GRIA4: variants seen among roughly 807,000 people sequenced by gnomAD.
The protein encoded by GRIA4 is glutamate ionotropic receptor AMPA type subunit 4.
In GRIA4, 34 loss-of-function variants were observed where a neutral mutation model predicts 104.0. The observed-to-expected ratio is 0.33, with a 90% CI of 0.25 to 0.44. The LOEUF is 0.44. GRIA4 is among the 20% of genes least tolerant of loss of function. The pLI is 1.00. For missense variants in GRIA4, 750 were observed against 1,096.5 expected, an observed-to-expected ratio of 0.68 and a Z score of 4.46; for synonymous variants, 386 against 381.9, an observed-to-expected ratio of 1.01 and a Z score of -0.13.
intron 15 of GRIA4, among the ~76,000 whole-genome samples, chr11:105,974,025 G>T (rs1411667344): frequency 6.6e-6 from 1 of 151,988 alleles, no homozygotes; most frequent in Non-Finnish European, 1.5e-5. Context: ...CTTATATAAG[G>T]CTAAGTATAA....
At chr11:105,840,026 C>T (rs917537054) in intron 4 of GRIA4, among the ~76,000 whole-genome samples, 17 of 152,032 alleles carry the variant, frequency 1.1e-4, no homozygotes, top group Non-Finnish European at 2.2e-4. Flanking sequence ...CAACTAGATC[C>T]TTCTAGATTG....
chr11:105,770,357 T>C (rs1941153801), intron 4 of GRIA4, among the ~76,000 whole-genome samples: 1 of 152,116 alleles, frequency 6.6e-6, no homozygotes. Flanking sequence ...TCAATATCTT[T>C]TTCCATTTAT....
intron 4 of GRIA4, among the ~76,000 whole-genome samples, chr11:105,847,995 A>G (rs1254994060): frequency 2.0e-5 from 3 of 152,308 alleles, no homozygotes; most frequent in East Asian, 3.9e-4. Context: ...GAATTAACCA[A>G]TTTAATTTTG....
intron 4 of GRIA4, among the ~76,000 whole-genome samples, chr11:105,773,918 A>G (rs1242641175): frequency 6.6e-6 from 1 of 151,840 alleles, no homozygotes; most frequent in African/African-American, 2.4e-5. Context: ...AAGTACTAAT[A>G]AGTAATAAAA....
intron 9 of GRIA4, among the ~76,000 whole-genome samples, chr11:105,906,876 G>A (rs1331872701): frequency 1.3e-5 from 2 of 152,188 alleles, no homozygotes; most frequent in African/African-American, 4.8e-5. Flanking sequence ...GGAGCAGATA[G>A]GATATTCCAC....
At chr11:105,774,629 CA>C (rs2135752134) in intron 4 of GRIA4, among the ~76,000 whole-genome samples, 1 of 151,986 alleles carries the variant, frequency 6.6e-6, no homozygotes, top group South Asian at 2.1e-4. Flanking sequence ...CCAGATGTTA[CA>C]ATTTATAAAA....
intron 5 of GRIA4, 46 bp downstream of exon 5, chr11:105,862,254 A>T (rs768958233): frequency 1.8e-6 from 2 of 1,106,712 alleles, no homozygotes; most frequent in East Asian, 4.8e-5. Context: ...TATACAGAAA[A>T]ATTTAACCTT....
chr11:105,733,241 T>C (rs118190756), intron 3 of GRIA4, among the ~76,000 whole-genome samples: 47 of 152,206 alleles, frequency 3.1e-4, no homozygotes, highest in African/African-American at 1.1e-3. Context: ...TACTGGATGA[T>C]GCCATACTTT....
intron 5 of GRIA4, among the ~76,000 whole-genome samples, chr11:105,871,344 C>G (rs990660844): frequency 6.6e-6 from 1 of 151,856 alleles, no homozygotes; most frequent in Non-Finnish European, 1.5e-5. Context: ...TAAGTTTTGA[C>G]TGGCCTGTGG....
Position 105,979,595 on chromosome 11 carries a change from A to G in GRIA4, c.2565A>G (p.Ile855Met), listed in dbSNP as rs758853708. Residue 855 changes from isoleucine (I) to methionine (M), a missense_variant, in exon 17 of 17, where the codon ATA (isoleucine) becomes ATG (methionine). Physicochemically the swap from Ile to Met is conservative, Grantham distance 10. Around this residue, in one of 3 missense-constraint regions of GRIA4, gnomAD observed 68 missense variants for 69.3 expected, o/e 0.98. Transcript: ENST00000282499. ...CCCAGCTGACCTTTTCTGAAGCCAT[A>G]AGAAACAAAGCCAGATTATCCATCA... ...KRMKLTFSEA[I>M]RNKARLSITG... 1 of 1,614,176 alleles carries G rather than the reference A, an allele frequency of 6.2e-7. No individual in the cohort carries two copies. Among genetic ancestry groups the G allele is most frequent in the Non-Finnish European group, 8.5e-7 (1 of 1,179,994 alleles).
intron 4 of GRIA4, among the ~76,000 whole-genome samples, chr11:105,814,582 T>G (rs1441357163): frequency 6.6e-6 from 1 of 152,108 alleles, no homozygotes; most frequent in Admixed American, 6.5e-5. Flanking sequence ...AGGATCTAAA[T>G]GAGAAAACGT....
intron 3 of GRIA4, among the ~76,000 whole-genome samples, chr11:105,682,239 G>C (rs557748230): frequency 1.3e-4 from 20 of 152,024 alleles, no homozygotes; most frequent in Admixed American, 1.2e-3. Flanking sequence ...TTTGAGATGG[G>C]GGGTCTCACT....
chr11:105,947,879 A>G (rs1417052009), intron 14 of GRIA4, among the ~76,000 whole-genome samples: 3 of 152,226 alleles, frequency 2.0e-5, no homozygotes, highest in Admixed American at 1.3e-4. Context: ...AAATATGACT[A>G]TAAGCCCTGT....
In GRIA4 at chr11:105,841,297, C is replaced by T. The variant is rs1489081192; in HGVS notation, c.488-20727C>T. Among the ~76,000 whole-genome samples, 3 of 151,940 alleles carry T rather than the reference C, an allele frequency of 2.0e-5. No homozygotes were observed. In the East Asian group the frequency reaches 5.8e-4, roughly 29 times the overall value. On this transcript the variant is annotated intron_variant, in intron 4 of 16. Transcript: ENST00000282499. ...CACTTTTGTTTCTACATCTAATATC[C>T]TCATCACTTTTTCTTAAATGTTTAG...
rs1953187788 is a variant in GRIA4 at position 105,694,164 on chromosome 11, T to A, written c.248-58817T>A. 2.0e-5 allele frequency among the ~76,000 whole-genome samples: 3 copies of A among 152,114 alleles called. 1 individual carries two copies. The highest frequency in any genetic ancestry group is 1.3e-4 in the Admixed American group (2 of 15,262). On this transcript the variant is annotated intron_variant, in intron 3 of 16. Transcript: ENST00000282499. ...GAAGAAACAAGCTAATTTTTTTTTT[T>A]TTTTAGATGGAGTCTCACTCTGTCA...
intron 3 of GRIA4, among the ~76,000 whole-genome samples, chr11:105,675,607 A>T (rs1952511634): frequency 6.6e-6 from 1 of 151,744 alleles, no homozygotes; most frequent in South Asian, 2.1e-4. Context: ...TAAGAACAAG[A>T]TCTACAGAAA....
At chr11:105,800,435 A>C (rs181905886) in intron 4 of GRIA4, among the ~76,000 whole-genome samples, 1 of 152,094 alleles carries the variant, frequency 6.6e-6, no homozygotes, top group Non-Finnish European at 1.5e-5. Context: ...GTGGCTGTGA[A>C]GACTCCTAAT....
intron 4 of GRIA4, among the ~76,000 whole-genome samples, chr11:105,803,863 G>GAA (rs1942831684): frequency 7.8e-6 from 1 of 128,822 alleles, no homozygotes; most frequent in South Asian, 2.4e-4. Flanking sequence ...AAAAAAAAAA[G>GAA]AGAGAGAGAG....
intron 3 of GRIA4, among the ~76,000 whole-genome samples, chr11:105,708,987 T>G (rs1246944409): frequency 6.6e-6 from 1 of 152,084 alleles, no homozygotes; most frequent in African/African-American, 2.4e-5. Context: ...CCAGTAATGA[T>G]GAACACACTT....
Sources: allele counts gnomAD v4.1 joint callset (sites outside exome capture counted in the v4.1 genomes callset), GRCh38; gene constraint gnomAD v4.1.1; regional missense constraint gnomAD v4.1.1; transcripts MANE v1.5; gene names NCBI Gene and HGNC (gene_info 2026-07-23, HGNC 2026-07-21).